The following MCF2L variants were observed in gnomAD, a reference collection of about 807,000 sequenced individuals.
MCF2L encodes guanine nucleotide exchange factor DBS.
In MCF2L, 97 loss-of-function variants were observed where a neutral mutation model predicts 153.4. The observed-to-expected ratio is 0.63, with a 90% CI of 0.54 to 0.75. MCF2L has a LOEUF of 0.75. MCF2L is among the 30% of genes least tolerant of loss of function. MCF2L has a pLI of 0.00. For synonymous variants in MCF2L, 659 were observed against 632.2 expected (o/e 1.04, Z -0.64); for missense variants, 1,347 against 1,495.2 (o/e 0.90, Z 1.64).
At chr13:112,968,477 G>A, upstream of MCF2L, 1 of 1,588,884 alleles carries the variant, frequency 6.3e-7, no homozygotes, top group South Asian at 1.1e-5. Flanking sequence ...GGCGAGGGTG[G>A]AGAGCCCCGT....
intron 3 of MCF2L, among the ~76,000 whole-genome samples, chr13:113,041,894 A>T (rs884313): frequency 0.15 from 22,993 of 152,118 alleles, 1,882 homozygotes; most frequent in East Asian, 0.23. Flanking sequence ...GGGGCAGCAC[A>T]CGTGGTGTCT....
intron 1 of MCF2L, among the ~76,000 whole-genome samples, chr13:112,999,509 T>G (rs1286746924): frequency 6.6e-6 from 1 of 152,224 alleles, no homozygotes. Flanking sequence ...TTTCGGCTGA[T>G]CTTTGCTCAC....
At position 113,028,293 on chromosome 13, in the gene MCF2L, A is replaced by G. The variant is rs1030721039; in HGVS notation, c.278+3535A>G. 6.6e-6 allele frequency among the ~76,000 whole-genome samples: 1 copy of G among 152,168 alleles called. No homozygotes were observed. Among genetic ancestry groups the G allele is most frequent in the Non-Finnish European group, 1.5e-5 (1 of 68,034 alleles). ...ATTTGTCTAGAATCTGCAGCACTCA[A>G]AGGCCACCCATCAAGGCCATAAGAG... On this transcript the variant is annotated intron_variant, in intron 3 of 29. Transcript: ENST00000535094. The surrounding 1 kb of genome is among the most constrained non-coding windows in gnomAD (Gnocchi z 5.4).
intron 2 of MCF2L, among the ~76,000 whole-genome samples, chr13:113,020,967 G>A (rs1452553263): frequency 1.3e-5 from 2 of 152,088 alleles, no homozygotes; most frequent in African/African-American, 4.8e-5. Flanking sequence ...GTGTATATGT[G>A]TGTACTTGTA....
chr13:113,087,779 G>A lies in MCF2L; in HGVS notation c.2668G>A (p.Glu890Lys), dbSNP rs758821476. ...GTTCGAGATCTGGTACAACGCGCGC[G>A]AGGAGGTCTACATCGTCCAGGTGGG... ...KKFEIWYNAR[E>K]EVYIVQAPTP... The change falls in exon 23 of 30, where the codon GAG becomes AAG. Residue 890 changes from glutamate (E) to lysine (K), a missense_variant. By Grantham distance (56) the Glu-to-Lys change is moderately conservative. Coordinates refer to ENST00000535094, the MANE Select transcript of MCF2L (RefSeq NM_001112732.3). 9 of 1,613,980 alleles carry A rather than the reference G, an allele frequency of 5.6e-6. No individual in the cohort carries two copies. Among genetic ancestry groups the A allele is most frequent in the South Asian group, 3.3e-5 (3 of 91,094 alleles).
At chr13:113,005,967 T>G (rs887391527) in intron 1 of MCF2L, among the ~76,000 whole-genome samples, 6 of 151,962 alleles carry the variant, frequency 3.9e-5, no homozygotes, top group African/African-American at 1.5e-4. Flanking sequence ...CAGAGCTGAG[T>G]AAATGGGGCT....
rs112875767 is a variant in MCF2L, at chr13:113,069,866, C to G, written c.882-193C>G. Among the ~76,000 whole-genome samples the G allele has an allele frequency of 5.0e-3, 762 of 152,320 alleles. 9 individuals are homozygous for G. The highest frequency in any genetic ancestry group is 0.018 in the African/African-American group (728 of 41,564). ...GCCCCTGATGCTTTCTCCAGGGCCTCCCTCCCATGCTGACGGCCCTGAGTG... is the reference window on the plus strand; with the variant it reads ...GCCCCTGATGCTTTCTCCAGGGCCTGCCTCCCATGCTGACGGCCCTGAGTG... On this transcript the variant is annotated intron_variant, in intron 8 of 29. Coordinates refer to ENST00000535094, the MANE Select transcript of MCF2L (RefSeq NM_001112732.3).
intron 11 of MCF2L, 72 bp from the exon 12 acceptor site, chr13:113,075,894 T>C: frequency 3.2e-6 from 4 of 1,248,804 alleles, no homozygotes; most frequent in South Asian, 1.5e-5. Flanking sequence ...ACCCCGGCAG[T>C]GTGTGCCTGG....
chr13:113,096,833 G>A lies in MCF2L; in HGVS notation c.3352G>A (p.Ala1118Thr). The change falls in exon 30 of 30, where the codon GCC becomes ACC. Residue 1118 changes from alanine to threonine, a missense_variant. Physicochemically the swap from Ala to Thr is moderately conservative, Grantham distance 58. This residue lies in a region of MCF2L where 383 missense variants were observed against 335.4 expected (regional missense o/e 1.14). Coordinates refer to ENST00000535094, the MANE Select transcript of MCF2L (RefSeq NM_001112732.3). ...NSSSCSEGGQ[A>T]PFSDLQG is the part of the protein sequence containing the mutation. ...GTCCAGCTGCAGCGAGGGCGGCCAG[G>A]CCCCCTTCTCCGACCTGCAGGGGTA... is the stretch of plus-strand genomic sequence containing the variant. The A allele has an allele frequency of 6.6e-7, 1 of 1,520,394 alleles. No individual in the cohort carries two copies. Among genetic ancestry groups the A allele is most frequent in the Admixed American group, 2.0e-5 (1 of 49,692 alleles). 94.2% of individuals were successfully genotyped at this position (1,520,394 alleles called of 1,614,324 possible). A position where few individuals can be genotyped will look rare whatever the true frequency, so the allele number is the denominator to read the frequency against.
intron 2 of MCF2L, among the ~76,000 whole-genome samples, chr13:112,940,721 C>G (rs1331690830): frequency 6.6e-6 from 1 of 152,152 alleles, no homozygotes; most frequent in Non-Finnish European, 1.5e-5. Context: ...TTATTATAAA[C>G]ATAAATATAG....
At chr13:113,020,835 C>G (rs1372225917) in intron 2 of MCF2L, among the ~76,000 whole-genome samples, 1 of 151,564 alleles carries the variant, frequency 6.6e-6, no homozygotes, top group Non-Finnish European at 1.5e-5. Context: ...GAATGTGTAG[C>G]TATGTATGTT....
chr13:112,995,043 C>G (rs1292291563), intron 1 of MCF2L, among the ~76,000 whole-genome samples: 1 of 152,252 alleles, frequency 6.6e-6, no homozygotes, highest in Non-Finnish European at 1.5e-5. Context: ...TGTCACCTTT[C>G]TGCACACGGT....
In MCF2L at chr13:113,024,612, C is replaced by T. The variant is rs192903882; in HGVS notation, c.164-32C>T. 160 of 1,500,538 alleles carry T rather than the reference C, an allele frequency of 1.1e-4. 2 individuals carry two copies. In the South Asian group the frequency reaches 1.4e-3, roughly 13 times the overall value. The allele number at this position is 1,500,538 out of a possible 1,614,324, so 93.0% of individuals were successfully genotyped here. A position where few individuals can be genotyped will look rare whatever the true frequency, so the allele number is the denominator to read the frequency against. ...GGAACCCCCGGGGGCATGGAGCCCT[C>T]GGCTAAGGGTCTGCCTCTGGTCTCT... On this transcript the variant is annotated intron_variant, in intron 2 of 29. Coordinates refer to ENST00000535094, the MANE Select transcript of MCF2L (RefSeq NM_001112732.3).
chr13:112,947,117 C>G (rs564995506), intron 2 of MCF2L, among the ~76,000 whole-genome samples: 2 of 152,118 alleles, frequency 1.3e-5, no homozygotes, highest in Non-Finnish European at 2.9e-5. Flanking sequence ...GATCAAGGAG[C>G]CAGCATCACA....
chr13:113,094,771 G>A, intron 27 of MCF2L, 136 bp downstream of exon 27: 2 of 1,235,862 alleles, frequency 1.6e-6, no homozygotes, highest in Non-Finnish European at 1.1e-6. Context: ...GTCCACATGG[G>A]CCTGGGTCTT....
At chr13:112,908,512 G>C (rs954626030) in intron 2 of MCF2L, among the ~76,000 whole-genome samples, 6 of 152,204 alleles carry the variant, frequency 3.9e-5, no homozygotes, top group African/African-American at 1.4e-4. Flanking sequence ...CTCAGAGCCA[G>C]AGCCGATTTT....
chr13:112,971,790 C>A (rs2082045542), intron 1 of MCF2L, among the ~76,000 whole-genome samples: 1 of 152,194 alleles, frequency 6.6e-6, no homozygotes, highest in South Asian at 2.1e-4. Flanking sequence ...TGGCAACTTC[C>A]CCCTGGCCCC....
intron 2 of MCF2L, among the ~76,000 whole-genome samples, chr13:112,924,446 C>T (rs2081383489): frequency 6.6e-6 from 1 of 151,976 alleles, no homozygotes; most frequent in Admixed American, 6.6e-5. Context: ...ATGTAGAAAT[C>T]ATAGGTAGGA....
chr13:112,975,012 G>A lies in MCF2L; in HGVS notation c.79+5554G>A, dbSNP rs372494319. Among the ~76,000 whole-genome samples, 30 of 152,228 alleles carry A rather than the reference G, an allele frequency of 2.0e-4. No homozygotes were observed. In the East Asian group the frequency reaches 4.6e-3, roughly 24 times the overall value. On this transcript the variant is annotated intron_variant, in intron 1 of 29. Coordinates refer to ENST00000535094, the MANE Select transcript of MCF2L (RefSeq NM_001112732.3). The stretch of plus-strand genomic sequence containing the variant: ...CTTTCACCAGAACTATCGTTTCCAC[G>A]TCAGCTCACGTCACCATCCGTAGAG...
Sources: gnomAD v4.1 joint callset for allele counts (sites outside exome capture counted in the v4.1 genomes callset) on GRCh38, gnomAD v4.1.1 for gene constraint, gnomAD v4.1.1 regional missense constraint, Gnocchi (gnomAD v3.1) non-coding constraint, MANE v1.5 for transcripts, NCBI Gene and HGNC (gene_info 2026-07-23, HGNC 2026-07-21) for gene names.